The following EPYC variants were observed in gnomAD, a reference collection of about 807,000 sequenced individuals.
The protein encoded by EPYC is epiphycan.
EPYC carries 28 observed loss-of-function variants against 30.1 expected under a neutral mutation model. The ratio of observed to expected loss-of-function variants is 0.93; its 90% CI spans 0.69 to 1.28. The LOEUF (loss-of-function observed/expected upper bound fraction) is 1.28. EPYC is among the 50% of genes most tolerant of loss of function. The pLI, the probability that EPYC is intolerant of heterozygous loss-of-function variation, is 0.00. For missense variants in EPYC, 382 were observed against 383.5 expected, an observed-to-expected ratio of 1.00 and a Z score of 0.03; for synonymous variants, 144 against 141.4, an observed-to-expected ratio of 1.02 and a Z score of -0.13.
At chr12:90,969,573 A>G (rs533785285) in intron 6 of EPYC, among the ~76,000 whole-genome samples, 1 of 150,938 alleles carries the variant, frequency 6.6e-6, no homozygotes, top group Non-Finnish European at 1.5e-5. Context: ...GGAGCTTGCC[A>G]TCTCTCAGCA....
At chr12:90,998,770 T>A (rs1035859217) in intron 2 of EPYC, among the ~76,000 whole-genome samples, 5 of 152,194 alleles carry the variant, frequency 3.3e-5, no homozygotes, top group African/African-American at 4.8e-5. Context: ...TATACCCATT[T>A]TTTTAGCCCA....
At chr12:90,986,079 G>A in intron 2 of EPYC, among the ~76,000 whole-genome samples, 1 of 151,960 alleles carries the variant, frequency 6.6e-6, no homozygotes, top group East Asian at 1.9e-4. Flanking sequence ...CCCTTATTAG[G>A]GAGGGACATA....
chr12:90,985,141 T>C (rs1877420772), intron 2 of EPYC, among the ~76,000 whole-genome samples: 1 of 152,108 alleles, frequency 6.6e-6, no homozygotes, highest in African/African-American at 2.4e-5. Context: ...GGATCCCCAC[T>C]GGGACCTCGA....
At chr12:90,994,309 G>T (rs942981395) in intron 2 of EPYC, among the ~76,000 whole-genome samples, 3 of 152,136 alleles carry the variant, frequency 2.0e-5, no homozygotes, top group Non-Finnish European at 4.4e-5. Context: ...TGATTCAATG[G>T]TAAAGTTACT....
chr12:90,965,767 T>C (rs1289990502), intron 6 of EPYC, among the ~76,000 whole-genome samples: 1 of 152,084 alleles, frequency 6.6e-6, no homozygotes, highest in Non-Finnish European at 1.5e-5. Flanking sequence ...TTCATGAATA[T>C]GGAATTATGT....
Position 90,978,138 on chromosome 12 carries a change from GA to G in EPYC, c.289del (p.Ser97LeufsTer28). The part of the protein sequence containing the change: ...ESTPRLIDGS[S>X]PQEPEFTGVL... ...CCCTGTGAATTCAGGCTCCTGGGGA[GA>G]AGAGCCATCAATCAGCCTGGGAGTA... On this transcript the variant is annotated frameshift_variant, in exon 3 of 7. Coordinates refer to ENST00000261172, the MANE Select transcript of EPYC (RefSeq NM_004950.5). LOFTEE classifies it high-confidence loss of function. The G allele has an allele frequency of 6.2e-7, 1 of 1,604,940 alleles. No homozygotes were observed. The highest frequency in any genetic ancestry group is 8.5e-7 in the Non-Finnish European group (1 of 1,176,332).
intron 2 of EPYC, among the ~76,000 whole-genome samples, chr12:90,991,574 A>G (rs1877585803): frequency 6.6e-6 from 1 of 152,178 alleles, no homozygotes; most frequent in African/African-American, 2.4e-5. Context: ...GAAAGAAAAT[A>G]AAAAATAACT....
chr12:90,977,945 A>T (rs955324176), intron 3 of EPYC, 143 bp downstream of exon 3: 2 of 504,086 alleles, frequency 4.0e-6, no homozygotes, highest in African/African-American at 4.0e-5. Context: ...TATAAAATCT[A>T]TGTATAAATA....
At chr12:90,986,534 T>C (rs572156994) in intron 2 of EPYC, among the ~76,000 whole-genome samples, 25 of 152,324 alleles carry the variant, frequency 1.6e-4, no homozygotes, top group African/African-American at 5.8e-4. Flanking sequence ...GCAGGATAGT[T>C]GTCCAGAAAC....
rs1233044671 is a variant in EPYC at position 90,983,964 on chromosome 12, C to T, written c.166-5702G>A. Among the ~76,000 whole-genome samples the T allele has an allele frequency of 2.6e-5, 4 of 152,034 alleles. No homozygotes were observed. The East Asian group carries it at 7.7e-4, about 29-fold the overall frequency. On this transcript the variant is annotated intron_variant, in intron 2 of 6. Coordinates refer to ENST00000261172, the MANE Select transcript of EPYC (RefSeq NM_004950.5). ...ACAAGCAGGCCTAACAAAAGCTATT[C>T]CTAAAGCTAGGATATGGGGAGCCTC...
intron 2 of EPYC, 140 bp from the exon 3 acceptor site, chr12:90,978,402 G>T (rs1421211575): frequency 5.4e-6 from 4 of 736,102 alleles, no homozygotes; most frequent in East Asian, 3.2e-5. Flanking sequence ...TGACCATCCT[G>T]CTTGCTTGGA....
Position 90,970,097 on chromosome 12 carries a change from AGTT to A in EPYC, c.742_744del (p.Asn248del). 6.2e-7 allele frequency: 1 copy of A among 1,614,040 alleles called. No homozygotes were observed. Among genetic ancestry groups the A allele is most frequent in the Non-Finnish European group, 8.5e-7 (1 of 1,179,898 alleles). ...GGGAGTGGCAGAGGGATGTGGTCCA[AGTT>A]GTTATCAGTGAGGTACAGATGATGG... On this transcript the variant is annotated inframe_deletion, in exon 6 of 7. Transcript: ENST00000261172.
intron 6 of EPYC, among the ~76,000 whole-genome samples, chr12:90,967,163 T>C (rs541873878): frequency 1.6e-4 from 25 of 152,198 alleles, no homozygotes; most frequent in Admixed American, 3.3e-4. Flanking sequence ...TAGTTTCCTC[T>C]ACTTTTTCAA....
intron 2 of EPYC, among the ~76,000 whole-genome samples, chr12:90,990,992 A>G (rs2120852721): frequency 6.6e-6 from 1 of 152,262 alleles, no homozygotes; most frequent in East Asian, 1.9e-4. Flanking sequence ...TAAATGGCCT[A>G]GATTTAATTT....
intron 3 of EPYC, among the ~76,000 whole-genome samples, chr12:90,975,019 C>A (rs1380710579): frequency 1.3e-5 from 2 of 152,146 alleles, no homozygotes; most frequent in East Asian, 3.9e-4. Context: ...GATATTTGAT[C>A]AACCTAGTTG....
chr12:90,969,453 A>G (rs1876979616), intron 6 of EPYC, among the ~76,000 whole-genome samples: 1 of 152,070 alleles, frequency 6.6e-6, no homozygotes, highest in Non-Finnish European at 1.5e-5. Flanking sequence ...AACTAATCAA[A>G]CTGAATACTT....
chr12:90,996,580 A>G (rs1877697623), intron 2 of EPYC, among the ~76,000 whole-genome samples: 2 of 151,982 alleles, frequency 1.3e-5, no homozygotes, highest in African/African-American at 4.8e-5. Context: ...TTTGTTAAAT[A>G]TAATTTTCAT....
chr12:91,004,123 A>G (rs1046024812), intron 1 of EPYC, among the ~76,000 whole-genome samples: 26 of 152,274 alleles, frequency 1.7e-4, no homozygotes, highest in Middle Eastern at 3.4e-3. Context: ...CCATTCTCCC[A>G]TAATCAAGTT....
chr12:91,003,538 A>AT (rs1156491142), intron 1 of EPYC, among the ~76,000 whole-genome samples: 1 of 151,900 alleles, frequency 6.6e-6, no homozygotes, highest in Admixed American at 6.6e-5. Flanking sequence ...TAATTTAATT[A>AT]TTTTTTTAGT....
Sources: allele counts gnomAD v4.1 joint callset (sites outside exome capture counted in the v4.1 genomes callset), GRCh38; gene constraint gnomAD v4.1.1; transcripts MANE v1.5; gene names NCBI Gene and HGNC (gene_info 2026-07-23, HGNC 2026-07-21).